Variants in FRAS1 observed in about 807,000 individuals in gnomAD.
FRAS1 encodes extracellular matrix organizing protein FRAS1.
Under a neutral mutation model 435.2 loss-of-function variants are expected in FRAS1, and 290 were observed. The ratio of observed to expected loss-of-function variants is 0.67; its 90% CI spans 0.61 to 0.73. The LOEUF (loss-of-function observed/expected upper bound fraction) is 0.73, where lower values mean the gene tolerates loss of function less well. Among genes scored for constraint, FRAS1 ranks in the 30% least tolerant of loss-of-function variants. The pLI is 0.00. For synonymous variants in FRAS1, 1,800 were observed against 1,851.0 expected (o/e 0.97, Z 0.71); for missense variants, 4,860 against 5,001.5 (o/e 0.97, Z 0.85).
intron 47 of FRAS1, among the ~76,000 whole-genome samples, chr4:78,452,953 G>T (rs1719071485): frequency 6.6e-6 from 1 of 152,168 alleles, no homozygotes; most frequent in African/African-American, 2.4e-5. Context: ...AGTGCACAGA[G>T]GTGGCATTTA....
intron 16 of FRAS1, 132 bp downstream of exon 16, chr4:78,315,866 T>G (rs534962351): frequency 2.0e-6 from 2 of 1,008,776 alleles, no homozygotes; most frequent in Admixed American, 4.2e-5. Flanking sequence ...GATAGCTTTT[T>G]TCATTATGAA....
intron 2 of FRAS1, among the ~76,000 whole-genome samples, chr4:78,127,263 G>T (rs1719413441): frequency 6.6e-6 from 1 of 152,182 alleles, no homozygotes; most frequent in Admixed American, 6.6e-5. Context: ...GAGGAGCAGG[G>T]ATGGTAAGAC....
intron 2 of FRAS1, among the ~76,000 whole-genome samples, chr4:78,208,213 G>GTC (rs1430186852): frequency 6.6e-6 from 1 of 152,082 alleles, no homozygotes; most frequent in Non-Finnish European, 1.5e-5. Context: ...TACAGCTCGT[G>GTC]TCTCAGGAAG....
At chr4:78,380,091 A>T (rs1731954688) in intron 27 of FRAS1, 95 bp downstream of exon 27, 1 of 1,366,136 alleles carries the variant, frequency 7.3e-7, no homozygotes. Flanking sequence ...TCAATAGCTA[A>T]CCCTTCTCAT....
At chr4:78,129,745 T>G (rs544878788) in intron 2 of FRAS1, among the ~76,000 whole-genome samples, 22 of 152,158 alleles carry the variant, frequency 1.4e-4, no homozygotes, top group Admixed American at 4.6e-4. Context: ...CCTCACCTTC[T>G]CCTGCCTAAA....
chr4:78,424,414 T>C lies in FRAS1; in HGVS notation c.4705T>C (p.Phe1569Leu). The C allele has an allele frequency of 6.9e-7, 1 of 1,456,266 alleles. No individual in the cohort carries two copies. Among genetic ancestry groups the C allele is most frequent in the Non-Finnish European group, 9.1e-7 (1 of 1,093,924 alleles). 90.2% of individuals were successfully genotyped at this position (1,456,266 alleles called of 1,614,324 possible). The change falls in exon 35 of 74, where the codon TTC (phenylalanine) becomes CTC (leucine). Residue 1569 changes from phenylalanine to leucine, a missense_variant. Coordinates refer to ENST00000512123, the MANE Select transcript of FRAS1 (RefSeq NM_025074.7). ...TCTCCCAGAATCAGTGAAATTCCAC[T>C]TCACAGGTAAAGATTCATCTAAATT... ...AGLPESVKFH[F>L]TVSDGEHTSP...
intron 70 of FRAS1, among the ~76,000 whole-genome samples, chr4:78,530,654 T>C (rs1721682787): frequency 6.6e-6 from 1 of 152,184 alleles, no homozygotes; most frequent in Non-Finnish European, 1.5e-5. Context: ...GTTGTAGATG[T>C]GTGGCGTGAT....
At chr4:78,266,577 A>G (rs1726367926) in intron 7 of FRAS1, among the ~76,000 whole-genome samples, 1 of 152,246 alleles carries the variant, frequency 6.6e-6, no homozygotes. Context: ...TCGGGTCTCT[A>G]TGTGCCTGGC....
At chr4:78,144,311 T>G (rs1720322610) in intron 2 of FRAS1, among the ~76,000 whole-genome samples, 1 of 152,108 alleles carries the variant, frequency 6.6e-6, no homozygotes. Flanking sequence ...AAACATTCAG[T>G]TGATTAAATT....
At position 78,267,313 on chromosome 4, in the gene FRAS1, G is replaced by T; in HGVS notation, c.862G>T (p.Asp288Tyr). The change falls in exon 9 of 74, where the codon GAT becomes TAT. Residue 288 changes from aspartate (D) to tyrosine (Y), a missense_variant. Coordinates refer to ENST00000512123, the MANE Select transcript of FRAS1 (RefSeq NM_025074.7). Reference sequence around the variant, plus strand: ...GTCTCCTGCCGGGAGCTGCTCCTATGATGGAGTTGTGCGGTACCAGGACGA... The same window carrying T: ...GTCTCCTGCCGGGAGCTGCTCCTATTATGGAGTTGTGCGGTACCAGGACGA... ...CVSPAGSCSYDGVVRYQDEMW... is the reference protein window; with the variant it reads ...CVSPAGSCSYYGVVRYQDEMW... 2 of 1,613,898 alleles carry T rather than the reference G, an allele frequency of 1.2e-6. No individual in the cohort carries two copies. Among genetic ancestry groups the T allele is most frequent in the Non-Finnish European group, 1.7e-6 (2 of 1,179,852 alleles).
At chr4:78,228,997 C>T (rs1369581679) in intron 2 of FRAS1, among the ~76,000 whole-genome samples, 1 of 152,112 alleles carries the variant, frequency 6.6e-6, no homozygotes, top group African/African-American at 2.4e-5. Context: ...TCAAGTTTGC[C>T]TATTGTACCA....
chr4:78,355,015 C>G (rs1362517703), intron 20 of FRAS1, among the ~76,000 whole-genome samples: 1 of 152,172 alleles, frequency 6.6e-6, no homozygotes, highest in Non-Finnish European at 1.5e-5. Context: ...AATTTCCTCA[C>G]AGCTGCAGGG....
intron 1 of FRAS1, among the ~76,000 whole-genome samples, chr4:78,063,375 G>A (rs1739846051): frequency 6.6e-6 from 1 of 152,132 alleles, no homozygotes; most frequent in South Asian, 2.1e-4. Flanking sequence ...TTTCTCAAGA[G>A]AGTAGAAATG....
intron 2 of FRAS1, among the ~76,000 whole-genome samples, chr4:78,158,818 G>A (rs1721002863): frequency 6.6e-6 from 1 of 152,042 alleles, no homozygotes; most frequent in Non-Finnish European, 1.5e-5. Context: ...GGATTCTCTG[G>A]TCTATTTATG....
chr4:78,469,572 T>C (rs1288319786), intron 50 of FRAS1, among the ~76,000 whole-genome samples: 1 of 152,184 alleles, frequency 6.6e-6, no homozygotes, highest in African/African-American at 2.4e-5. Context: ...AATTTAATGA[T>C]TATTTTTGTC....
Position 78,477,914 on chromosome 4 carries a change from A to G in FRAS1, c.7951A>G (p.Met2651Val), listed in dbSNP as rs751323135. The G allele has an allele frequency of 4.3e-6, 7 of 1,613,526 alleles. No individual in the cohort carries two copies. Among genetic ancestry groups the G allele is most frequent in the African/African-American group, 1.3e-5 (1 of 74,930 alleles). ...TGAGAGTTTCACTGTGGAGCTCAGC[A>G]TGCCAGCTTATGCCCTGTTAGGGGA... is the stretch of plus-strand genomic sequence containing the variant. ...NVESFTVELS[M>V]PAYALLGEFT... The change falls in exon 55 of 74, where the codon ATG (methionine) becomes GTG (valine). Residue 2651 changes from methionine (M) to valine (V), a missense_variant. Physicochemically the swap from Met to Val is conservative, Grantham distance 21. Transcript: ENST00000512123.
At chr4:78,454,890 G>A (rs962755042) in intron 47 of FRAS1, among the ~76,000 whole-genome samples, 6 of 152,200 alleles carry the variant, frequency 3.9e-5, no homozygotes, top group African/African-American at 9.6e-5. Flanking sequence ...GCTGTGGTTC[G>A]GGAGAGGCCA....
chr4:78,521,127 CCT>C (rs1721373125), intron 67 of FRAS1, among the ~76,000 whole-genome samples: 1 of 152,116 alleles, frequency 6.6e-6, no homozygotes, highest in Admixed American at 6.5e-5. Flanking sequence ...TTTGTTTATA[CCT>C]CTGTTAAGTC....
At chr4:78,059,539 T>C (rs1355486659) in intron 1 of FRAS1, among the ~76,000 whole-genome samples, 1 of 151,174 alleles carries the variant, frequency 6.6e-6, no homozygotes, top group African/African-American at 2.4e-5. Flanking sequence ...TAGGGCTTGA[T>C]TATAACAATA....
Sources: gnomAD v4.1 joint callset for allele counts (sites outside exome capture counted in the v4.1 genomes callset) on GRCh38, gnomAD v4.1.1 for gene constraint, MANE v1.5 for transcripts, NCBI Gene and HGNC (gene_info 2026-07-23, HGNC 2026-07-21) for gene names.